MTMR8: variants seen among roughly 807,000 people sequenced by gnomAD.
MTMR8 encodes the protein myotubularin related protein 8.
MTMR8 carries 65 observed loss-of-function variants against 39.3 expected under a neutral mutation model. The observed-to-expected ratio is 1.65, with a 90% confidence interval of 1.35 to 2.03. The LOEUF is 2.03. MTMR8 is among the 30% of genes most tolerant of loss of function. The pLI is 0.00. For missense variants in MTMR8, 777 were observed against 538.9 expected, an observed-to-expected ratio of 1.44 and a Z score of -4.37; for synonymous variants, 245 against 185.2, an observed-to-expected ratio of 1.32 and a Z score of -2.62.
intron 12 of MTMR8, among the ~76,000 whole-genome samples, chrX:64,275,316 G>C (rs921559017): frequency 5.4e-5 from 6 of 110,905 alleles, no homozygotes; most frequent in Non-Finnish European, 9.4e-5. Context: ...ACTAGGAAAA[G>C]AACAAACTAG....
chrX:64,331,958 T>C (rs1303600699), intron 10 of MTMR8, among the ~76,000 whole-genome samples: 1 of 111,418 alleles, frequency 9.0e-6, no homozygotes. Flanking sequence ...CTGTCATCCA[T>C]ACTGTAAACC....
Position 64,268,775 on chromosome X carries a change from C to T in MTMR8, c.1877G>A (p.Gly626Glu). Residue 626 changes from glycine to glutamate, a missense_variant, in exon 14 of 14, where the codon GGG becomes GAG. Transcript: ENST00000374852. ...VGSLRAINIS[G>E]DVGISEAMGI... ...CATGGCCTCAGAGATGCCCACATCC[C>T]CAGAGATATTTATGGCCCTAAGGCT... is the stretch of plus-strand genomic sequence containing the variant. 1 of 1,211,659 alleles carries T rather than the reference C, an allele frequency of 8.3e-7. No homozygotes were observed. Among genetic ancestry groups the T allele is most frequent in the Non-Finnish European group, 1.1e-6 (1 of 895,515 alleles).
intron 4 of MTMR8, among the ~76,000 whole-genome samples, chrX:64,354,090 C>T (rs1238335384): frequency 1.9e-5 from 2 of 102,637 alleles, no homozygotes; most frequent in Non-Finnish European, 3.9e-5. Flanking sequence ...TAATCTCATT[C>T]ACATGTTGTA....
intron 12 of MTMR8, among the ~76,000 whole-genome samples, chrX:64,293,364 C>A (rs1921464173): frequency 9.0e-6 from 1 of 111,228 alleles, no homozygotes; most frequent in Admixed American, 9.6e-5. Flanking sequence ...CCTTCTAGAC[C>A]AAGCAAACCA....
At chrX:64,315,866 T>G (rs1285073149) in intron 12 of MTMR8, among the ~76,000 whole-genome samples, 2 of 111,578 alleles carry the variant, frequency 1.8e-5, no homozygotes, top group East Asian at 5.6e-4. Flanking sequence ...TAAAGTGTTT[T>G]TGAGTGTATC....
chrX:64,292,231 T>C (rs2147139742), intron 12 of MTMR8, among the ~76,000 whole-genome samples: 1 of 112,151 alleles, frequency 8.9e-6, no homozygotes, highest in South Asian at 3.7e-4. Context: ...TCTGCTATCA[T>C]GACAATTATG....
intron 12 of MTMR8, among the ~76,000 whole-genome samples, chrX:64,315,035 T>C (rs1922425073): frequency 8.9e-6 from 1 of 111,781 alleles, no homozygotes; most frequent in Admixed American, 9.4e-5. Flanking sequence ...GACTAAAGTC[T>C]ACTATGACAG....
At chrX:64,349,396 C>G (rs1166081494) in intron 5 of MTMR8, among the ~76,000 whole-genome samples, 1 of 111,654 alleles carries the variant, frequency 9.0e-6, no homozygotes, top group African/African-American at 3.3e-5. Flanking sequence ...AATTGCATTA[C>G]TATACTCCTT....
chrX:64,317,187 G>T (rs889428233), intron 12 of MTMR8, among the ~76,000 whole-genome samples: 1 of 110,824 alleles, frequency 9.0e-6, no homozygotes, highest in East Asian at 2.8e-4. Flanking sequence ...CTTTATTTGG[G>T]GTTTATCCTG....
chrX:64,362,973 T>C (rs1325642365), intron 1 of MTMR8, among the ~76,000 whole-genome samples: 1 of 110,836 alleles, frequency 9.0e-6, no homozygotes, highest in African/African-American at 3.3e-5. Flanking sequence ...CATATAACCA[T>C]GAAGAGAAGC....
chrX:64,375,065 A>T (rs984069313), intron 1 of MTMR8, among the ~76,000 whole-genome samples: 1 of 109,310 alleles, frequency 9.1e-6, no homozygotes, highest in African/African-American at 3.3e-5. Flanking sequence ...AAAAAAAAAA[A>T]AAGTGAAGGA....
At chrX:64,326,278 GTTGT>G (rs1335971900) in intron 12 of MTMR8, among the ~76,000 whole-genome samples, 3 of 110,965 alleles carry the variant, frequency 2.7e-5, no homozygotes, top group African/African-American at 6.5e-5. Flanking sequence ...TCAAATCTGT[GTTGT>G]TTAAGGGTCC....
intron 12 of MTMR8, among the ~76,000 whole-genome samples, chrX:64,313,741 G>A (rs772230019): frequency 8.9e-5 from 10 of 112,441 alleles, no homozygotes; most frequent in South Asian, 3.7e-4. Context: ...CTGAAAAGAT[G>A]GAGCAATTAT....
At chrX:64,320,383 G>A (rs1346567400) in intron 12 of MTMR8, among the ~76,000 whole-genome samples, 2 of 110,566 alleles carry the variant, frequency 1.8e-5, no homozygotes, top group Non-Finnish European at 3.8e-5. Flanking sequence ...CATTACTGAT[G>A]TGGCTCGCTG....
At chrX:64,301,605 T>G (rs1330259365) in intron 12 of MTMR8, among the ~76,000 whole-genome samples, 1 of 112,404 alleles carries the variant, frequency 8.9e-6, no homozygotes, top group Non-Finnish European at 1.9e-5. Context: ...TCCAGCTTTG[T>G]TCCATTGCTG....
chrX:64,269,744 CT>C (rs1438560648), intron 13 of MTMR8, among the ~76,000 whole-genome samples: 2 of 110,051 alleles, frequency 1.8e-5, no homozygotes, highest in Non-Finnish European at 1.9e-5. Flanking sequence ...CATTTTTTAC[CT>C]TGTTGTATTC....
chrX:64,381,418 T>C (rs761947768), intron 1 of MTMR8, among the ~76,000 whole-genome samples: 45 of 109,507 alleles, frequency 4.1e-4, no homozygotes, highest in African/African-American at 1.5e-3. Flanking sequence ...TGTCTGTGCA[T>C]ATCCTTCGCC....
In MTMR8 at chrX:64,327,970, T is replaced by A. The variant is rs139629261; in HGVS notation, c.1481+802A>T. 5.8e-3 allele frequency among the ~76,000 whole-genome samples: 653 copies of A among 112,324 alleles called. 2 individuals are homozygous for A. The highest frequency in any genetic ancestry group is 8.7e-3 in the Non-Finnish European group (465 of 53,209). On this transcript the variant is annotated intron_variant, in intron 12 of 13. Coordinates refer to ENST00000374852, the MANE Select transcript of MTMR8 (RefSeq NM_017677.4). ...GCATAATCACTCTATACCTCATATGTAGTACAATTATTGTGTCAATTAAAA... is the reference window on the plus strand; with the variant it reads ...GCATAATCACTCTATACCTCATATGAAGTACAATTATTGTGTCAATTAAAA...
rs376770516 is a variant in MTMR8 at position 64,274,404 on chromosome X, G to T, written c.1482-3331C>A. ...CAAAAGGGAAATTGGAAAGTATCTT[G>T]AAACAAACAAAACCACAACATACCA... On this transcript the variant is annotated intron_variant, in intron 12 of 13. Transcript: ENST00000374852. Among the ~76,000 whole-genome samples, 10 of 112,220 alleles carry T rather than the reference G, an allele frequency of 8.9e-5. No homozygotes were observed. The South Asian group carries it at 3.0e-3, about 33-fold the overall frequency.
Sources: allele counts gnomAD v4.1 joint callset (sites outside exome capture counted in the v4.1 genomes callset), GRCh38; gene constraint gnomAD v4.1.1; transcripts MANE v1.5; gene names NCBI Gene and HGNC (gene_info 2026-07-23, HGNC 2026-07-21).